Variants in ARID3A observed in about 807,000 individuals in gnomAD.
The protein encoded by ARID3A is AT-rich interaction domain 3A, also known as AT-rich interactive domain-containing protein 3A.
In ARID3A, 11 loss-of-function variants were observed where a neutral mutation model predicts 52.7. The ratio of observed to expected loss-of-function variants is 0.21; its 90% CI spans 0.13 to 0.35. The LOEUF (loss-of-function observed/expected upper bound fraction) is 0.35. Among genes scored for constraint, ARID3A ranks in the 10% least tolerant of loss-of-function variants. The pLI is 1.00. For synonymous variants in ARID3A, 404 were observed against 359.4 expected (o/e 1.12, Z -1.40); for missense variants, 721 against 838.5 (o/e 0.86, Z 1.73).
At chr19:930,573 G>C (rs866969366) in intron 2 of ARID3A, among the ~76,000 whole-genome samples, 1 of 148,246 alleles carries the variant, frequency 6.7e-6, no homozygotes, top group African/African-American at 2.5e-5. Flanking sequence ...GCAGTGGCGT[G>C]ATCTCAGCTC....
chr19:954,759 G>A (rs1275428932), intron 3 of ARID3A, among the ~76,000 whole-genome samples: 1 of 152,072 alleles, frequency 6.6e-6, no homozygotes, highest in Non-Finnish European at 1.5e-5. Context: ...CCAGACGAAG[G>A]GAAGGGGCTG....
Position 929,440 on chromosome 19 carries a change from C to CCGA in ARID3A, c.-88_-87insGAC. 4.7e-6 allele frequency: 6 copies of CCGA among 1,268,232 alleles called. No homozygotes were observed. The highest frequency in any genetic ancestry group is 3.1e-4 in the Middle Eastern group (1 of 3,190). The allele number at this position is 1,268,232 out of a possible 1,614,324, so 78.6% of individuals were successfully genotyped here. A position where few individuals can be genotyped will look rare whatever the true frequency, so the allele number is the denominator to read the frequency against. On this transcript the variant is annotated 5_prime_UTR_variant, in exon 2 of 9. Coordinates refer to ENST00000263620, the MANE Select transcript of ARID3A (RefSeq NM_005224.3). This position sits in a 1 kb window ranked among gnomAD's most constrained non-coding sequence, Gnocchi z 6.2. The stretch of plus-strand genomic sequence containing the variant: ...CCCACGCTGCAGTGCGGCCGGGCCC[C>CCGA]CTCCCCGCAGGGGCCGCCCCCGCCG...
intron 3 of ARID3A, among the ~76,000 whole-genome samples, chr19:945,258 C>T (rs147540377): frequency 6.6e-6 from 1 of 152,370 alleles, no homozygotes; most frequent in East Asian, 1.9e-4. Context: ...TCAGTTTCCC[C>T]GCCCGTAAGA....
At position 932,585 on chromosome 19, in the gene ARID3A, CA is replaced by C; in HGVS notation, c.537del (p.Gln181ArgfsTer31). 1 of 1,505,996 alleles carries C rather than the reference CA, an allele frequency of 6.6e-7. No homozygotes were observed. Among genetic ancestry groups the C allele is most frequent in the Non-Finnish European group, 8.8e-7 (1 of 1,129,958 alleles). The allele number at this position is 1,505,996 out of a possible 1,614,324, so 93.3% of individuals were successfully genotyped here. ...GCACTGTTCCCCCGAAAGGCCCAGCCACCCCAGGCCTTCCGCGGCGATGGCG... is the reference window on the plus strand; with the variant it reads ...GCACTGTTCCCCCGAAAGGCCCAGCCCCCCAGGCCTTCCGCGGCGATGGCG... Reference protein sequence around the residue: ...TTALFPRKAQPPQAFRGDGVP... With the variant: ...TTALFPRKAQXPQAFRGDGVP... On this transcript the variant is annotated frameshift_variant, in exon 3 of 9. Transcript: ENST00000263620. LOFTEE classifies it high-confidence loss of function.
rs350149 is a variant in ARID3A at position 933,196 on chromosome 19, T to A, written c.693+454T>A. Among the ~76,000 whole-genome samples, 14 of 152,070 alleles carry A rather than the reference T, an allele frequency of 9.2e-5. No individual in the cohort carries two copies. The East Asian group carries it at 2.7e-3, about 30-fold the overall frequency. On this transcript the variant is annotated intron_variant, in intron 3 of 8. Transcript: ENST00000263620. ...GCCGTGGGGGGTTGCGGGCTGCAGC[T>A]GGCAGCCGAGGGGATGTGGGGGTGG... is the stretch of plus-strand genomic sequence containing the variant.
rs2037894332 is a variant in ARID3A, at chr19:955,308, G to C, written c.694-4784G>C. Among the ~76,000 whole-genome samples the C allele has an allele frequency of 2.0e-5, 3 of 152,182 alleles. No individual in the cohort carries two copies. In the South Asian group the frequency reaches 6.2e-4, roughly 31 times the overall value. On this transcript the variant is annotated intron_variant, in intron 3 of 8. Coordinates refer to ENST00000263620, the MANE Select transcript of ARID3A (RefSeq NM_005224.3). ...GGGGCCAGAGACCCATAAAGCCCAG[G>C]CGGCCTTTACTGCTGGCTTTGTTGC...
At chr19:967,131 C>A (rs951951807) in intron 7 of ARID3A, among the ~76,000 whole-genome samples, 1 of 152,002 alleles carries the variant, frequency 6.6e-6, no homozygotes, top group Non-Finnish European at 1.5e-5. Flanking sequence ...TGGCAGCGCA[C>A]CCCTGTAGTC....
rs530970439 is a variant in ARID3A at position 936,441 on chromosome 19, C to T, written c.693+3699C>T. On this transcript the variant is annotated intron_variant, in intron 3 of 8. Coordinates refer to ENST00000263620, the MANE Select transcript of ARID3A (RefSeq NM_005224.3). ...CACCTGTAGTCCCAGCTACTTGGGA[C>T]CCTGAGGTGGGAGGATCCCTTGAGC... Among the ~76,000 whole-genome samples, 4 of 151,666 alleles carry T rather than the reference C, an allele frequency of 2.6e-5. No homozygotes were observed. In the East Asian group the frequency reaches 7.8e-4, roughly 30 times the overall value.
intron 4 of ARID3A, among the ~76,000 whole-genome samples, chr19:962,513 CTTTT>C (rs539409112): frequency 8.7e-6 from 1 of 115,282 alleles, no homozygotes; most frequent in Non-Finnish European, 1.7e-5. Context: ...GCTGCTGATC[CTTTT>C]TTTTTTTTTT....
intron 3 of ARID3A, among the ~76,000 whole-genome samples, chr19:956,136 C>T (rs150234742): frequency 6.6e-6 from 1 of 152,210 alleles, no homozygotes; most frequent in East Asian, 1.9e-4. Context: ...GGTTCTGGGC[C>T]GATGTGAATT....
intron 1 of ARID3A, among the ~76,000 whole-genome samples, chr19:928,026 C>T (rs1194120853): frequency 2.6e-5 from 4 of 152,110 alleles, no homozygotes; most frequent in Non-Finnish European, 5.9e-5. Context: ...CTGTGCAACA[C>T]TGACCTGGGT....
chr19:936,698 C>T (rs150478674), intron 3 of ARID3A, among the ~76,000 whole-genome samples: 14,448 of 151,658 alleles, frequency 0.095, 1,047 homozygotes, highest in East Asian at 0.41. Context: ...AAAAATTAGC[C>T]GGGCGTGGCA....
chr19:953,481 C>T (rs1283382535), intron 3 of ARID3A, among the ~76,000 whole-genome samples: 3 of 132,192 alleles, frequency 2.3e-5, no homozygotes, highest in Non-Finnish European at 1.5e-5. Context: ...CCACACCCCC[C>T]CCCGTGCAGA....
chr19:927,465 C>A (rs900545780), intron 1 of ARID3A, among the ~76,000 whole-genome samples: 1 of 152,000 alleles, frequency 6.6e-6, no homozygotes, highest in African/African-American at 2.4e-5. Context: ...TCCCCTCCCC[C>A]ACCCGGCGAC....
rs2038099202 is a variant in ARID3A at position 964,187 on chromosome 19, G to C, written c.767-61G>C. ...CTGGCATGGAGAGGGCGGAGGCCAG[G>C]ACACTCGGCTCCCTGCAGTGCCCAG... On this transcript the variant is annotated intron_variant, in intron 4 of 8. Coordinates refer to ENST00000263620, the MANE Select transcript of ARID3A (RefSeq NM_005224.3). This position sits in a 1 kb window ranked among gnomAD's most constrained non-coding sequence, Gnocchi z 5.7. 4 of 1,443,730 alleles carry C rather than the reference G, an allele frequency of 2.8e-6. No individual in the cohort carries two copies. The highest frequency in any genetic ancestry group is 1.9e-6 in the Non-Finnish European group (2 of 1,047,758). The allele number at this position is 1,443,730 out of a possible 1,614,324, so 89.4% of individuals were successfully genotyped here.
At chr19:948,159 G>A (rs1393337051) in intron 3 of ARID3A, among the ~76,000 whole-genome samples, 3 of 150,712 alleles carry the variant, frequency 2.0e-5, no homozygotes, top group African/African-American at 4.9e-5. Context: ...CAGCCCACCC[G>A]CCCCAGCTGA....
intron 3 of ARID3A, among the ~76,000 whole-genome samples, chr19:937,005 C>T (rs1364423559): frequency 3.9e-5 from 6 of 152,114 alleles, no homozygotes; most frequent in African/African-American, 4.8e-5. Flanking sequence ...CAGTGCTTCA[C>T]GCCTGTAATC....
At position 974,335 on chromosome 19, in the gene ARID3A, G is replaced by T. The variant is rs1318518288; in HGVS notation, c.*2270G>T. 1.3e-5 allele frequency: 3 copies of T among 228,768 alleles called. No homozygotes were observed. Among genetic ancestry groups the T allele is most frequent in the Non-Finnish European group, 2.6e-5 (3 of 115,358 alleles). 14.2% of individuals were successfully genotyped at this position (228,768 alleles called of 1,614,324 possible). A position where few individuals can be genotyped will look rare whatever the true frequency, so the allele number is the denominator to read the frequency against. ...TAGGTTTTCCTTGTCCCTTCCTGGGGCCAGCACCGTAGCAGCACAATCACC... is the reference window on the plus strand; with the variant it reads ...TAGGTTTTCCTTGTCCCTTCCTGGGTCCAGCACCGTAGCAGCACAATCACC... On this transcript the variant is annotated 3_prime_UTR_variant, in exon 9 of 9. Coordinates refer to ENST00000263620, the MANE Select transcript of ARID3A (RefSeq NM_005224.3).
At chr19:930,505 ATG>A (rs1297975652) in intron 2 of ARID3A, among the ~76,000 whole-genome samples, 5 of 147,108 alleles carry the variant, frequency 3.4e-5, no homozygotes, top group African/African-American at 1.3e-4. Flanking sequence ...TGAGCCAAGA[ATG>A]TGGGTTTTTT....
Sources: gnomAD v4.1 joint callset for allele counts (sites outside exome capture counted in the v4.1 genomes callset) on GRCh38, gnomAD v4.1.1 for gene constraint, Gnocchi (gnomAD v3.1) non-coding constraint, MANE v1.5 for transcripts, NCBI Gene and HGNC (gene_info 2026-07-23, HGNC 2026-07-21) for gene names.